The following COLGALT2 variants were observed in gnomAD, a reference collection of about 807,000 sequenced individuals.
The protein encoded by COLGALT2 is collagen beta(1-O)galactosyltransferase 2, also known as procollagen galactosyltransferase 2.
A neutral mutation model predicts 73.4 loss-of-function variants in COLGALT2; 49 were observed. That is an observed-to-expected ratio of 0.67 (90% CI 0.53 to 0.85). COLGALT2 has a LOEUF of 0.85. COLGALT2 is among the 40% of genes least tolerant of loss of function. The probability of loss-of-function intolerance (pLI) is 0.00; values close to 1 mark genes in which losing one functional copy is unlikely to be tolerated. For synonymous variants in COLGALT2, 295 were observed against 307.6 expected (o/e 0.96, Z 0.43); for missense variants, 722 against 790.2 (o/e 0.91, Z 1.03).
rs767430903 is a variant in COLGALT2 at position 184,037,184 on chromosome 1, C to T, written c.174G>A (p.Ala58=). ...TGTGCGCCGCGTTGCGGGCGAGGAC[C>T]GCCACGAGCACCGTGGGGCTCTGCA... ...SPLQSPTVLV[A]VLARNAAHTL... Residue 58 remains alanine (A), a synonymous_variant, in exon 1 of 12, where the codon GCG becomes GCA. Transcript: ENST00000361927. 9 of 1,604,818 alleles carry T rather than the reference C, an allele frequency of 5.6e-6. No individual in the cohort carries two copies. The African/African-American group carries it at 1.2e-4, about 22-fold the overall frequency.
Position 184,004,491 on chromosome 1 carries a change from TC to T in COLGALT2, c.264-25972del, listed in dbSNP as rs1023289648. ...CAACATTTTTAGGTATTTTTAAGTT[TC>T]TCTATTTCATTTAATTTTAAACAAC... On this transcript the variant is annotated intron_variant, in intron 1 of 11. Transcript: ENST00000361927. Among the ~76,000 whole-genome samples, 43 of 152,192 alleles carry T rather than the reference TC, an allele frequency of 2.8e-4. 1 individual carries two copies. Among genetic ancestry groups the T allele is most frequent in the African/African-American group, 9.7e-4 (40 of 41,424 alleles).
intron 1 of COLGALT2, among the ~76,000 whole-genome samples, chr1:183,982,465 G>T (rs895526062): frequency 2.0e-5 from 3 of 152,200 alleles, no homozygotes; most frequent in African/African-American, 7.2e-5. Flanking sequence ...TAGGAAGCAT[G>T]CAGAGAGCAA....
rs1343095115 is a variant in COLGALT2 at position 184,037,404 on chromosome 1, GGCTGGGCTGCC to G, written c.-58_-48del. ...CGGGGAAGTCCTGGCGCGAGCGCCC[GGCTGGGCTGCC>G]TGAGGGCGGCGGCGGCTGCCGGGGA... is the stretch of plus-strand genomic sequence containing the variant. On this transcript the variant is annotated 5_prime_UTR_variant, in exon 1 of 12. Coordinates refer to ENST00000361927, the MANE Select transcript of COLGALT2 (RefSeq NM_015101.4). 2 of 1,311,728 alleles carry G rather than the reference GGCTGGGCTGCC, an allele frequency of 1.5e-6. No homozygotes were observed. Among genetic ancestry groups the G allele is most frequent in the Non-Finnish European group, 1.9e-6 (2 of 1,034,192 alleles). The allele number at this position is 1,311,728 out of a possible 1,614,324, so 81.3% of individuals were successfully genotyped here. A position where few individuals can be genotyped will look rare whatever the true frequency, so the allele number is the denominator to read the frequency against.
intron 11 of COLGALT2, chr1:183,930,375 T>C: frequency 9.0e-6 from 4 of 442,298 alleles, no homozygotes; most frequent in South Asian, 6.4e-5. Flanking sequence ...TGTCTAGAAC[T>C]AGCCTTGATC....
chr1:183,936,605 C>T lies in COLGALT2; in HGVS notation c.*2156G>A, dbSNP rs942063931. 45 of 1,180,394 alleles carry T rather than the reference C, an allele frequency of 3.8e-5. No homozygotes were observed. In the African/African-American group the frequency reaches 6.6e-4, roughly 17 times the overall value. The allele number at this position is 1,180,394 out of a possible 1,614,324, so 73.1% of individuals were successfully genotyped here. On this transcript the variant is annotated 3_prime_UTR_variant, in exon 12 of 12. Transcript: ENST00000361927. ...CAACCCCAGCACCCCAGCCACCTCC[C>T]ACCCCATTAAAAAAGTCATTAAAGT...
chr1:184,028,589 G>A (rs1197956229), intron 1 of COLGALT2, among the ~76,000 whole-genome samples: 8 of 152,156 alleles, frequency 5.3e-5, no homozygotes. Context: ...CCCTCAATAG[G>A]TCTTGAAGTG....
At chr1:183,971,685 C>T (rs1270746229) in intron 4 of COLGALT2, among the ~76,000 whole-genome samples, 1 of 152,136 alleles carries the variant, frequency 6.6e-6, no homozygotes, top group Non-Finnish European at 1.5e-5. Context: ...GAAATAATTA[C>T]AACAAAAGAG....
chr1:184,001,490 C>T (rs574503294), intron 1 of COLGALT2, among the ~76,000 whole-genome samples: 2 of 152,160 alleles, frequency 1.3e-5, no homozygotes, highest in East Asian at 3.9e-4. Context: ...CTCATGTTTT[C>T]TTCCATATGT....
At position 183,935,875 on chromosome 1, in the gene COLGALT2, G is replaced by A. The variant is rs1160409703; in HGVS notation, c.*2886C>T. On this transcript the variant is annotated 3_prime_UTR_variant, in exon 12 of 12. Transcript: ENST00000361927. ...TTTTAATTTTTCACAAAGAGCTCCAGAAGGCAAATAGTTTATCACTTCCCC... is the reference window on the plus strand; with the variant it reads ...TTTTAATTTTTCACAAAGAGCTCCAAAAGGCAAATAGTTTATCACTTCCCC... The A allele has an allele frequency of 1.0e-5, 10 of 985,284 alleles. No homozygotes were observed. The highest frequency in any genetic ancestry group is 1.1e-5 in the Non-Finnish European group (9 of 829,954). 61.0% of individuals were successfully genotyped at this position (985,284 alleles called of 1,614,324 possible). A position where few individuals can be genotyped will look rare whatever the true frequency, so the allele number is the denominator to read the frequency against.
At chr1:183,930,573 T>C (rs10911471) in intron 11 of COLGALT2, among the ~76,000 whole-genome samples, 3,220 of 90,392 alleles carry the variant, frequency 0.036, 47 homozygotes, top group African/African-American at 0.085. Flanking sequence ...CTTTTTCTTT[T>C]TTTTTTTTTT....
chr1:183,996,713 A>G (rs1234071402), intron 1 of COLGALT2, among the ~76,000 whole-genome samples: 1 of 152,198 alleles, frequency 6.6e-6, no homozygotes, highest in African/African-American at 2.4e-5. Context: ...TGCTAACTGG[A>G]GAAGCCTGCA....
At chr1:183,961,519 A>T (rs1240945518) in intron 6 of COLGALT2, among the ~76,000 whole-genome samples, 3 of 152,190 alleles carry the variant, frequency 2.0e-5, no homozygotes. Flanking sequence ...GAGTCATAAT[A>T]ATAGCAACAC....
At chr1:183,962,154 C>CTTTTTTTTTTTTTTTTTTT (rs34873073) in intron 6 of COLGALT2, among the ~76,000 whole-genome samples, 29 of 85,532 alleles carry the variant, frequency 3.4e-4, no homozygotes, top group Non-Finnish European at 4.4e-4. Flanking sequence ...TTTTCTCTTT[C>CTTTTTTTTTTTTTTTTTTT]TTTTTTTTTT....
chr1:183,978,388 A>G (rs770179973), intron 2 of COLGALT2, 22 bp downstream of exon 2: 4 of 1,381,834 alleles, frequency 2.9e-6, no homozygotes, highest in Non-Finnish European at 4.1e-6. Context: ...ATGAGTTTAC[A>G]AATTTCGCAC....
At chr1:184,030,006 A>C (rs1294426759) in intron 1 of COLGALT2, among the ~76,000 whole-genome samples, 1 of 152,258 alleles carries the variant, frequency 6.6e-6, no homozygotes, top group Non-Finnish European at 1.5e-5. Context: ...AAAATATGAA[A>C]GAAAGTGTTA....
rs191476923 is a variant in COLGALT2, at chr1:183,938,856, G to A, written c.1786C>T (p.Arg596Trp). Residue 596 changes from arginine to tryptophan, a missense_variant, in exon 12 of 12, where the codon CGG (arginine) becomes TGG (tryptophan). Coordinates refer to ENST00000361927, the MANE Select transcript of COLGALT2 (RefSeq NM_015101.4). ...DWDRTHAWKS[R>W]KQSRIYSNAK... ...TTGCTGTAGATGCGGCTTTGCTTCC[G>A]GGACTTCCAGGCATGTGTCCTATCC... is the stretch of plus-strand genomic sequence containing the variant. 34 of 1,614,136 alleles carry A rather than the reference G, an allele frequency of 2.1e-5. No individual in the cohort carries two copies. The Middle Eastern group carries it at 4.9e-4, about 23-fold the overall frequency.
intron 1 of COLGALT2, among the ~76,000 whole-genome samples, chr1:184,006,893 T>A (rs979194845): frequency 1.3e-5 from 2 of 152,274 alleles, no homozygotes; most frequent in South Asian, 4.1e-4. Flanking sequence ...ATACCTGGCA[T>A]CTGCCAATCA....
chr1:183,984,821 T>C (rs1374255777), intron 1 of COLGALT2, among the ~76,000 whole-genome samples: 8 of 152,128 alleles, frequency 5.3e-5, no homozygotes, highest in Non-Finnish European at 2.9e-5. Flanking sequence ...AGATTCAAAA[T>C]TGAATTAGGA....
chr1:183,982,675 C>G (rs558426727), intron 1 of COLGALT2, among the ~76,000 whole-genome samples: 3 of 152,180 alleles, frequency 2.0e-5, no homozygotes, highest in Non-Finnish European at 2.9e-5. Context: ...ACCCTTAGTC[C>G]TAGCTACCTG....
Sources: gnomAD v4.1 joint callset for allele counts (sites outside exome capture counted in the v4.1 genomes callset) on GRCh38, gnomAD v4.1.1 for gene constraint, MANE v1.5 for transcripts, NCBI Gene and HGNC (gene_info 2026-07-23, HGNC 2026-07-21) for gene names.